The following LRRC73 variants were observed in gnomAD, a reference collection of about 807,000 sequenced individuals.
LRRC73 encodes leucine rich repeat containing 73, also known as leucine-rich repeat-containing protein 73.
A neutral mutation model predicts 26.4 loss-of-function variants in LRRC73; 16 were observed. The ratio of observed to expected loss-of-function variants is 0.61; its 90% CI spans 0.41 to 0.92. The LOEUF (loss-of-function observed/expected upper bound fraction) is 0.92, where lower values mean the gene tolerates loss of function less well. Ranked by LOEUF, LRRC73 falls within the 40% of genes least tolerant of loss-of-function variation. The pLI is 0.00. For missense variants in LRRC73, 344 were observed against 416.3 expected (o/e 0.83, Z 1.51); for synonymous variants, 210 against 179.8 (o/e 1.17, Z -1.34).
chr6:43,508,447 G>A, intron 2 of LRRC73, 27 bp from the exon 3 acceptor site: 1 of 1,612,912 alleles, frequency 6.2e-7, no homozygotes, highest in South Asian at 1.1e-5. Context: ...CAAGAAACCA[G>A]AATAGGGAGG....
exon 5 of LRRC73, chr6:43,507,606 G>A (rs1474439642): frequency 2.5e-6 from 4 of 1,614,064 alleles, no homozygotes; most frequent in South Asian, 1.1e-5. Flanking sequence ...TGCAGCTCTG[G>A]GCTAATGCTG....
intron 4 of LRRC73, 22 bp downstream of exon 4, chr6:43,507,804 C>T (rs1343173627): frequency 1.9e-6 from 3 of 1,611,088 alleles, no homozygotes; most frequent in Non-Finnish European, 2.5e-6. Flanking sequence ...CCTGGCCGTG[C>T]CCAAACATGA....
Position 43,508,992 on chromosome 6 carries a change from T to G in LRRC73, c.273-72A>C, listed in dbSNP as rs565123147. ...CTACATGGGAAAGGGGCACTTTCAC[T>G]TCTGTCAGCCCTAGGTATGGGGAGG... is the stretch of plus-strand genomic sequence containing the variant. On this transcript the variant is annotated intron_variant, in intron 1 of 5. Coordinates refer to ENST00000372441, the Ensembl canonical transcript of LRRC73. The G allele has an allele frequency of 8.4e-6, 12 of 1,420,822 alleles. No homozygotes were observed. In the Admixed American group the frequency reaches 1.1e-4, roughly 13 times the overall value. 88.0% of individuals were successfully genotyped at this position (1,420,822 alleles called of 1,614,324 possible). A position where few individuals can be genotyped will look rare whatever the true frequency, so the allele number is the denominator to read the frequency against.
chr6:43,507,639 G>A lies in LRRC73; in HGVS notation c.697C>T (p.Arg233Trp), dbSNP rs761992197. The A allele has an allele frequency of 1.9e-6, 3 of 1,614,114 alleles. No individual in the cohort carries two copies. Among genetic ancestry groups the A allele is most frequent in the Admixed American group, 1.7e-5 (1 of 60,008 alleles). Residue 233 changes from arginine (R) to tryptophan (W), a missense_variant, in exon 5 of 6, where the codon CGG (arginine) becomes TGG (tryptophan). Transcript: ENST00000372441. ...CTGTTCTCAGCCAACACCAGGCTCC[G>A]CAAAGCTGTGGGGTAATTTTCTACC...
exon 1 of LRRC73, chr6:43,509,994 C>G (rs1792615648): frequency 1.4e-5 from 5 of 360,052 alleles, no homozygotes; most frequent in Non-Finnish European, 2.4e-5. Flanking sequence ...TGAGCCGGAG[C>G]CGGCCAGAGG....
In LRRC73 at chr6:43,508,929, G is replaced by C. The variant is rs1161631712; in HGVS notation, c.273-9C>G. The C allele has an allele frequency of 1.3e-6, 2 of 1,585,584 alleles. No homozygotes were observed. Among genetic ancestry groups the C allele is most frequent in the African/African-American group, 2.7e-5 (2 of 74,204 alleles). On this transcript the variant is annotated splice_polypyrimidine_tract_variant and intron_variant, in intron 1 of 5. Transcript: ENST00000372441. ...GGGGGCTCCCATGCAGGCTGGAGGA[G>C]AGTGAGAGAGCAGGGTTACTGCAGT...
At chr6:43,508,733 C>A in intron 2 of LRRC73, 27 bp downstream of exon 2, 1 of 1,577,942 alleles carries the variant, frequency 6.3e-7, no homozygotes, top group Non-Finnish European at 8.6e-7. Flanking sequence ...CCACACTAGC[C>A]CAAGCCCTCA....
rs770263062 is a variant in LRRC73 at position 43,509,820 on chromosome 6, G to GAACGGAGGTTGGTGGGGCCGC, written c.-56_-36dup. 39 of 1,458,650 alleles carry GAACGGAGGTTGGTGGGGCCGC rather than the reference G, an allele frequency of 2.7e-5. No homozygotes were observed. In the African/African-American group the frequency reaches 4.4e-4, roughly 16 times the overall value. 90.4% of individuals were successfully genotyped at this position (1,458,650 alleles called of 1,614,324 possible). A position where few individuals can be genotyped will look rare whatever the true frequency, so the allele number is the denominator to read the frequency against. ...GGCTGGGCCTCCGGGTACGGGGCCG[G>GAACGGAGGTTGGTGGGGCCGC]AACGGAGGTTGGTGGGGCCGCGGGC... On this transcript the variant is annotated 5_prime_UTR_variant, in exon 1 of 6. Coordinates refer to ENST00000372441, the Ensembl canonical transcript of LRRC73.
chr6:43,507,486 T>C, exon 5 of LRRC73: 1 of 1,613,130 alleles, frequency 6.2e-7, no homozygotes, highest in Non-Finnish European at 8.5e-7. Flanking sequence ...CTGCTGCCTC[T>C]CTGGTGGGCA....
intron 2 of LRRC73, 37 bp downstream of exon 2, chr6:43,508,723 C>A: frequency 6.4e-7 from 1 of 1,560,716 alleles, no homozygotes. Flanking sequence ...TTCATCACTG[C>A]CACACTAGCC....
At chr6:43,508,683 G>A in intron 2 of LRRC73, 77 bp downstream of exon 2, 1 of 1,523,706 alleles carries the variant, frequency 6.6e-7, no homozygotes, top group Non-Finnish European at 8.9e-7. Context: ...GAGCTCTGGG[G>A]CCACACCCCC....
intron 1 of LRRC73, 42 bp downstream of exon 1, chr6:43,509,472 G>C: frequency 6.4e-7 from 1 of 1,572,050 alleles, no homozygotes; most frequent in Non-Finnish European, 8.6e-7. Context: ...GTGTATGGAA[G>C]GGTGCAGTGC....
chr6:43,509,822 A>G (rs1256571737), exon 1 of LRRC73: 1 of 1,455,530 alleles, frequency 6.9e-7, no homozygotes, highest in African/African-American at 1.5e-5. Flanking sequence ...CGGGGCCGGA[A>G]CGGAGGTTGG....
At chr6:43,509,521 A>T (rs1331429569) in exon 1 of LRRC73, 1 of 1,607,776 alleles carries the variant, frequency 6.2e-7, no homozygotes, top group Non-Finnish European at 8.5e-7. Context: ...CACAAGAGGG[A>T]CTGGATGGAG....
Position 43,507,605 on chromosome 6 carries a change from G to A in LRRC73, c.731C>T (p.Pro244Leu), listed in dbSNP as rs762857727. 131 of 1,613,946 alleles carry A rather than the reference G, an allele frequency of 8.1e-5. No homozygotes were observed. Among genetic ancestry groups the A allele is most frequent in the Non-Finnish European group, 1.0e-4 (121 of 1,180,038 alleles). The change falls in exon 5 of 6, where the codon CCA (proline) becomes CTA (leucine). Residue 244 changes from proline (P) to leucine (L), a missense_variant. Transcript: ENST00000372441. Reference sequence around the variant, plus strand: ...GTCACAGATCTGTTGCTGCAGCTCTGGGCTAATGCTGTTCTCAGCCAACAC... The same window carrying A: ...GTCACAGATCTGTTGCTGCAGCTCTAGGCTAATGCTGTTCTCAGCCAACAC...
At chr6:43,509,684 T>C in exon 1 of LRRC73, 1 of 1,592,774 alleles carries the variant, frequency 6.3e-7, no homozygotes, top group Non-Finnish European at 8.5e-7. Context: ...AGCCGCGCAG[T>C]GAGAGCAGGC....
exon 1 of LRRC73, chr6:43,509,917 GGCGGCTGTGGCGGAGGCT>G (rs1324630914): frequency 6.0e-6 from 4 of 662,286 alleles, no homozygotes; most frequent in Non-Finnish European, 8.6e-6. Flanking sequence ...GGGTGGAGGC[GGCGGCTGTGGCGGAGGCT>G]GCGGCTGCGG....
chr6:43,509,807 G>C lies in LRRC73; in HGVS notation c.-22C>G. The C allele has an allele frequency of 1.3e-6, 2 of 1,496,610 alleles. No individual in the cohort carries two copies. Among genetic ancestry groups the C allele is most frequent in the Non-Finnish European group, 1.8e-6 (2 of 1,132,724 alleles). The allele number at this position is 1,496,610 out of a possible 1,614,324, so 92.7% of individuals were successfully genotyped here. ...GCATCGTGCCCACGGCTGGGCCTCCGGGTACGGGGCCGGAACGGAGGTTGG... is the reference window on the plus strand; with the variant it reads ...GCATCGTGCCCACGGCTGGGCCTCCCGGTACGGGGCCGGAACGGAGGTTGG... On this transcript the variant is annotated 5_prime_UTR_variant, in exon 1 of 6. Transcript: ENST00000372441.
chr6:43,509,705 G>T (rs750157257), exon 1 of LRRC73: 1 of 1,591,748 alleles, frequency 6.3e-7, no homozygotes, highest in South Asian at 1.1e-5. Context: ...GCACGGCGTT[G>T]TCGCGAAGGC....
Sources: allele counts gnomAD v4.1 joint callset, GRCh38; gene constraint gnomAD v4.1.1; transcripts MANE v1.5; gene names NCBI Gene and HGNC (gene_info 2026-07-23, HGNC 2026-07-21).